VWA3A: variants seen among roughly 807,000 people sequenced by gnomAD.
VWA3A encodes von Willebrand factor A domain-containing protein 3A.
In VWA3A, 134 loss-of-function variants were observed where a neutral mutation model predicts 160.4. The ratio of observed to expected loss-of-function variants is 0.84; its 90% confidence interval spans 0.73 to 0.96. VWA3A has a LOEUF of 0.96. Among genes scored for constraint, VWA3A ranks in the 40% least tolerant of loss-of-function variants. The pLI, the probability that VWA3A is intolerant of heterozygous loss-of-function variation, is 0.00. For missense variants in VWA3A, 1,310 were observed against 1,447.9 expected (o/e 0.90, Z 1.55); for synonymous variants, 476 against 543.4 (o/e 0.88, Z 1.72).
intron 25 of VWA3A, among the ~76,000 whole-genome samples, 183 bp downstream of exon 25, chr16:22,142,948 C>T (rs530451102): frequency 2.6e-5 from 4 of 152,000 alleles, no homozygotes; most frequent in Non-Finnish European, 4.4e-5. Flanking sequence ...GTCAGGAGTT[C>T]GAGACCACCT....
chr16:22,099,220 CAGGGACCTATGATTTT>C (rs2045371973), intron 3 of VWA3A, among the ~76,000 whole-genome samples: 1 of 152,130 alleles, frequency 6.6e-6, no homozygotes, highest in Non-Finnish European at 1.5e-5. Context: ...AGATATGCGA[CAGGGACCTATGATTTT>C]AGGTGCCTTT....
chr16:22,128,366 CA>C (rs2045888871), intron 17 of VWA3A, among the ~76,000 whole-genome samples: 1 of 152,018 alleles, frequency 6.6e-6, no homozygotes, highest in Non-Finnish European at 1.5e-5. Flanking sequence ...GGGCTTGAGC[CA>C]AGGCAATGTG....
chr16:22,143,825 C>T (rs1473452032), intron 25 of VWA3A, among the ~76,000 whole-genome samples: 4 of 151,376 alleles, frequency 2.6e-5, no homozygotes, highest in African/African-American at 9.7e-5. Context: ...ACTGCAACCT[C>T]CGCCTCCTGG....
In VWA3A at chr16:22,156,072, A is replaced by C; in HGVS notation, c.*55A>C. On this transcript the variant is annotated 3_prime_UTR_variant, in exon 34 of 34. Transcript: ENST00000389398. Reference sequence around the variant, plus strand: ...AAGGACCACTCACTGAGCAAATCTCAGCCCCGAGGGCAGGATGGGATGAAA... The same window carrying C: ...AAGGACCACTCACTGAGCAAATCTCCGCCCCGAGGGCAGGATGGGATGAAA... 44 of 758,986 alleles carry C rather than the reference A, an allele frequency of 5.8e-5. No individual in the cohort carries two copies. Among genetic ancestry groups the C allele is most frequent in the East Asian group, 8.2e-5 (3 of 36,494 alleles). 47.0% of individuals were successfully genotyped at this position (758,986 alleles called of 1,614,324 possible).
At chr16:22,147,573 C>T (rs1326748885) in intron 27 of VWA3A, 1 of 703,134 alleles carries the variant, frequency 1.4e-6, no homozygotes, top group Admixed American at 2.0e-5. Context: ...TTCATTAGGT[C>T]CAGTCCTCTG....
chr16:22,147,695 C>T, intron 27 of VWA3A: 2 of 701,638 alleles, frequency 2.9e-6, no homozygotes, highest in Non-Finnish European at 5.2e-6. Flanking sequence ...GTGAGCCTCT[C>T]TCCACCCTCG....
At chr16:22,115,191 G>A (rs998612083) in intron 8 of VWA3A, among the ~76,000 whole-genome samples, 156 bp from the exon 9 acceptor site, 3 of 152,078 alleles carry the variant, frequency 2.0e-5, no homozygotes, top group Non-Finnish European at 4.4e-5. Context: ...CAGCAGGATC[G>A]CTTGGGCCCA....
intron 1 of VWA3A, among the ~76,000 whole-genome samples, chr16:22,095,978 G>A (rs2045314777): frequency 6.6e-6 from 1 of 152,038 alleles, no homozygotes; most frequent in South Asian, 2.1e-4. Context: ...GCGCTGGGAG[G>A]ACAAGGACAA....
At chr16:22,116,337 A>G in intron 9 of VWA3A, 1 of 440,550 alleles carries the variant, frequency 2.3e-6, no homozygotes, top group Non-Finnish European at 4.4e-6. Flanking sequence ...TGGAAGAGAG[A>G]GAAAGAAAAA....
At chr16:22,145,053 G>T (rs997533112) in intron 26 of VWA3A, among the ~76,000 whole-genome samples, 43 of 152,152 alleles carry the variant, frequency 2.8e-4, no homozygotes, top group African/African-American at 1.0e-3. Context: ...GGTTGTGATA[G>T]GAAGTGAAGG....
At chr16:22,148,097 G>A in intron 27 of VWA3A, 65 bp from the exon 28 acceptor site, 1 of 1,499,808 alleles carries the variant, frequency 6.7e-7, no homozygotes, top group Non-Finnish European at 8.9e-7. Flanking sequence ...TAGAGTGAGG[G>A]AAACCACCCA....
rs781617732 is a variant in VWA3A, at chr16:22,141,650, A to G, written c.2452A>G (p.Thr818Ala). ...GAAGACCAAGTCAAGGGAAGCAGAG[A>G]CATCTCTTTTACTGTTCTACACAGA... ...RRKTKSREAE[T>A]SLLLFYTEKG... Residue 818 changes from threonine (T) to alanine (A), a missense_variant, in exon 24 of 34, where the codon ACA becomes GCA. Transcript: ENST00000389398. 7 of 1,612,348 alleles carry G rather than the reference A, an allele frequency of 4.3e-6. No homozygotes were observed. In the South Asian group the frequency reaches 5.5e-5, roughly 13 times the overall value.
In VWA3A at chr16:22,132,643, G is replaced by A. The variant is rs2045968265; in HGVS notation, c.1873-257G>A. 3 of 497,280 alleles carry A rather than the reference G, an allele frequency of 6.0e-6. No homozygotes were observed. The East Asian group carries it at 9.7e-5, about 16-fold the overall frequency. The allele number at this position is 497,280 out of a possible 1,614,324, so 30.8% of individuals were successfully genotyped here. ...GCCTGGGAGTCTGCATTTCTGGCAG[G>A]CTTCCAGGGGATGTGGATGCTACTG... On this transcript the variant is annotated intron_variant, in intron 19 of 33. Coordinates refer to ENST00000389398, the MANE Select transcript of VWA3A (RefSeq NM_173615.5).
intron 17 of VWA3A, among the ~76,000 whole-genome samples, chr16:22,129,956 G>A (rs11645309): frequency 0.43 from 65,255 of 151,444 alleles, 17,351 homozygotes; most frequent in East Asian, 0.74. Context: ...GAGAGGATGA[G>A]GCATGTGGAT....
chr16:22,145,673 T>C (rs2046236497), intron 26 of VWA3A, among the ~76,000 whole-genome samples: 1 of 151,972 alleles, frequency 6.6e-6, no homozygotes, highest in African/African-American at 2.4e-5. Flanking sequence ...TTATTATGAT[T>C]TTTATTAATA....
intron 31 of VWA3A, 125 bp downstream of exon 31, chr16:22,152,759 G>T (rs1310652964): frequency 2.1e-6 from 3 of 1,416,072 alleles, no homozygotes; most frequent in African/African-American, 1.4e-5. Context: ...CTCCCAAAAT[G>T]TTGGGATTAC....
At chr16:22,117,030 T>C (rs1181326982) in intron 10 of VWA3A, 81 bp from the exon 11 acceptor site, 3 of 1,493,464 alleles carry the variant, frequency 2.0e-6, no homozygotes, top group Non-Finnish European at 2.7e-6. Context: ...TTTGGATAAT[T>C]GGGAGGTTCA....
At chr16:22,093,827 C>T (rs928593204) in intron 1 of VWA3A, among the ~76,000 whole-genome samples, 3 of 152,192 alleles carry the variant, frequency 2.0e-5, no homozygotes, top group East Asian at 1.9e-4. Flanking sequence ...TGCAGCGATG[C>T]GATCACAGCT....
chr16:22,143,084 A>G (rs1429004090), intron 25 of VWA3A, among the ~76,000 whole-genome samples: 2 of 148,678 alleles, frequency 1.3e-5, no homozygotes, highest in African/African-American at 2.5e-5. Context: ...TGGGAGGTGG[A>G]GGTTGCAGTG....
Sources: allele counts gnomAD v4.1 joint callset (sites outside exome capture counted in the v4.1 genomes callset), GRCh38; gene constraint gnomAD v4.1.1; transcripts MANE v1.5; gene names NCBI Gene and HGNC (gene_info 2026-07-23, HGNC 2026-07-21).